The following MYOM1 variants were observed in gnomAD, a reference collection of about 807,000 sequenced individuals.
MYOM1 encodes the protein myomesin 1, also known as myomesin-1.
A neutral mutation model predicts 205.3 loss-of-function variants in MYOM1; 164 were observed. That is an observed-to-expected ratio of 0.80 (90% confidence interval 0.70 to 0.91). The LOEUF (loss-of-function observed/expected upper bound fraction) is 0.91. MYOM1 is among the 40% of genes least tolerant of loss of function. The probability of loss-of-function intolerance (pLI) is 0.00; values close to 1 mark genes in which losing one functional copy is unlikely to be tolerated. For missense variants in MYOM1, 2,011 were observed against 2,127.3 expected, an observed-to-expected ratio of 0.95 and a Z score of 1.08; for synonymous variants, 772 against 789.4, an observed-to-expected ratio of 0.98 and a Z score of 0.37.
Position 3,090,736 on chromosome 18 carries a change from C to T in MYOM1, c.3931G>A (p.Glu1311Lys). ...IEMFMEKLQD[E>K]DEGTYTFQLQ... ...TGGAAAGTGTACGTTCCCTCATCCT[C>T]ATCCTGTAGCTTTTCCATGAACATT... Residue 1311 changes from glutamate (E) to lysine (K), a missense_variant, in exon 27 of 38, where the codon GAG becomes AAG. By Grantham distance (56) the Glu-to-Lys change is moderately conservative. Coordinates refer to ENST00000356443, the MANE Select transcript of MYOM1 (RefSeq NM_003803.4). The T allele has an allele frequency of 1.9e-6, 3 of 1,613,946 alleles. 1 individual carries two copies. The highest frequency in any genetic ancestry group is 2.2e-5 in the South Asian group (2 of 91,074).
chr18:3,156,312 C>T (rs1299613468), intron 10 of MYOM1, among the ~76,000 whole-genome samples: 1 of 152,126 alleles, frequency 6.6e-6, no homozygotes, highest in Admixed American at 6.5e-5. Flanking sequence ...ACTTTCTTTC[C>T]CTATGATCTA....
At chr18:3,163,515 T>C (rs575840107) in intron 10 of MYOM1, among the ~76,000 whole-genome samples, 2 of 151,428 alleles carry the variant, frequency 1.3e-5, no homozygotes, top group East Asian at 4.0e-4. Context: ...TGCAGTGGCA[T>C]AATCTCAGCC....
upstream of MYOM1, chr18:3,220,247 G>A (rs2081316033): frequency 6.6e-6 from 1 of 152,074 alleles, no homozygotes; most frequent in East Asian, 1.9e-4. Context: ...AAAAATAGGT[G>A]TAGTAATATG....
chr18:3,080,900 G>C (rs55832417), intron 33 of MYOM1, among the ~76,000 whole-genome samples: 1 of 152,020 alleles, frequency 6.6e-6, no homozygotes, highest in Non-Finnish European at 1.5e-5. Context: ...TTGGGAGGCC[G>C]AGGCAGGTGG....
At chr18:3,225,964 A>C in the MYOM1 span, among the ~76,000 whole-genome samples, 1 of 152,196 alleles carries the variant, frequency 6.6e-6, no homozygotes, top group Non-Finnish European at 1.5e-5. Flanking sequence ...TCAGTAAATG[A>C]TGTGTTTGAA....
chr18:3,151,877 C>T lies in MYOM1; in HGVS notation c.1660G>A (p.Asp554Asn). The T allele has an allele frequency of 1.2e-6, 2 of 1,612,508 alleles. No individual in the cohort carries two copies. The highest frequency in any genetic ancestry group is 8.5e-7 in the Non-Finnish European group (1 of 1,178,954). ...GTGTCATTGCACTGCGACCAGCTATCTGTGCCCACCTCACACCTAAAGGAA... is the reference window on the plus strand; with the variant it reads ...GTGTCATTGCACTGCGACCAGCTATTTGTGCCCACCTCACACCTAAAGGAA... ...YFIDKCEVGT[D>N]SWSQCNDTPV... is the part of the protein sequence containing the mutation. The change falls in exon 12 of 38, where the codon GAT becomes AAT. Residue 554 changes from aspartate to asparagine, a missense_variant. Transcript: ENST00000356443.
At chr18:3,233,323 A>C in the MYOM1 span, among the ~76,000 whole-genome samples, 1 of 152,292 alleles carries the variant, frequency 6.6e-6, no homozygotes, top group Admixed American at 6.5e-5. Flanking sequence ...TTTTGTTCCA[A>C]AGTTCTTAAA....
the MYOM1 span, among the ~76,000 whole-genome samples, chr18:3,225,048 C>T: frequency 6.6e-6 from 1 of 152,064 alleles, no homozygotes; most frequent in Non-Finnish European, 1.5e-5. Context: ...AGCGCAGTGG[C>T]GCCATCTCAG....
intron 3 of MYOM1, among the ~76,000 whole-genome samples, chr18:3,190,952 C>G (rs940438423): frequency 1.3e-5 from 2 of 152,128 alleles, no homozygotes; most frequent in East Asian, 3.8e-4. Flanking sequence ...CTTGCCTTTT[C>G]CATTTACAAA....
intron 21 of MYOM1, among the ~76,000 whole-genome samples, chr18:3,112,881 A>C (rs2143803336): frequency 6.6e-6 from 1 of 152,326 alleles, no homozygotes; most frequent in Admixed American, 6.5e-5. Context: ...ATGAATCATG[A>C]ACACTTTCCA....
rs1333106114 is a variant in MYOM1 at position 3,209,175 on chromosome 18, A to G, written c.290+5759T>C. On this transcript the variant is annotated intron_variant, in intron 2 of 37. Coordinates refer to ENST00000356443, the MANE Select transcript of MYOM1 (RefSeq NM_003803.4). The surrounding 1 kb of genome is among the most constrained non-coding windows in gnomAD (Gnocchi z 4.0). ...ACAAGTGAATGGTTTTACTATCATC[A>G]TACCACCTAAAGAGAGTCTCAGAAG... Among the ~76,000 whole-genome samples, 2 of 152,212 alleles carry G rather than the reference A, an allele frequency of 1.3e-5. No homozygotes were observed. The highest frequency in any genetic ancestry group is 4.8e-5 in the African/African-American group (2 of 41,458).
intron 22 of MYOM1, among the ~76,000 whole-genome samples, chr18:3,107,796 A>G (rs1481904828): frequency 5.3e-5 from 8 of 152,224 alleles, no homozygotes; most frequent in Non-Finnish European, 1.5e-5. Flanking sequence ...GCACAGGCTA[A>G]GCTAACTTTG....
At chr18:3,218,154 A>G (rs2081292238) in intron 1 of MYOM1, among the ~76,000 whole-genome samples, 1 of 152,148 alleles carries the variant, frequency 6.6e-6, no homozygotes, top group African/African-American at 2.4e-5. Flanking sequence ...AGCATTCTTG[A>G]ATAGTTTATC....
intron 23 of MYOM1, among the ~76,000 whole-genome samples, chr18:3,101,627 T>C (rs2079377190): frequency 6.6e-6 from 1 of 152,144 alleles, no homozygotes; most frequent in Non-Finnish European, 1.5e-5. Context: ...GCAGAAAAGA[T>C]TATCCTCAAT....
At chr18:3,122,585 T>G (rs554449252) in intron 19 of MYOM1, among the ~76,000 whole-genome samples, 1 of 152,310 alleles carries the variant, frequency 6.6e-6, no homozygotes, top group African/African-American at 2.4e-5. Flanking sequence ...ATATTAGTAT[T>G]AAATTAATTC....
In MYOM1 at chr18:3,129,103, A is replaced by G. The variant is rs1179614817; in HGVS notation, c.2794+129T>C. On this transcript the variant is annotated intron_variant, in intron 18 of 37. Coordinates refer to ENST00000356443, the MANE Select transcript of MYOM1 (RefSeq NM_003803.4). ...ATGAAAGTACACATTTCAGATGGCT[A>G]GCTGAAAACACATACAATAAGAATG... 11 of 1,198,506 alleles carry G rather than the reference A, an allele frequency of 9.2e-6. No individual in the cohort carries two copies. The African/African-American group carries it at 1.7e-4, about 18-fold the overall frequency. The allele number at this position is 1,198,506 out of a possible 1,614,324, so 74.2% of individuals were successfully genotyped here.
chr18:3,174,466 C>T (rs1196691461), intron 6 of MYOM1, among the ~76,000 whole-genome samples: 1 of 147,234 alleles, frequency 6.8e-6, no homozygotes, highest in African/African-American at 2.6e-5. Context: ...GTGACCCTAG[C>T]CTGGGTTCAT....
At chr18:3,148,824 C>T (rs1392537349) in intron 13 of MYOM1, among the ~76,000 whole-genome samples, 20 of 109,632 alleles carry the variant, frequency 1.8e-4, no homozygotes, top group East Asian at 2.8e-4. Context: ...CCACCCTGGG[C>T]GACAGAGCGA....
At chr18:3,165,972 C>T (rs1275137828) in intron 9 of MYOM1, among the ~76,000 whole-genome samples, 1 of 152,214 alleles carries the variant, frequency 6.6e-6, no homozygotes, top group African/African-American at 2.4e-5. Context: ...CAGCTTGGTG[C>T]TCACACTGCC....
Sources: allele counts gnomAD v4.1 joint callset (sites outside exome capture counted in the v4.1 genomes callset), GRCh38; gene constraint gnomAD v4.1.1; non-coding constraint Gnocchi (gnomAD v3.1); transcripts MANE v1.5; gene names NCBI Gene and HGNC (gene_info 2026-07-23, HGNC 2026-07-21).